Variants in ZNF385D observed in about 807,000 individuals in gnomAD.
The protein encoded by ZNF385D is zinc finger protein 659.
A neutral mutation model predicts 35.8 loss-of-function variants in ZNF385D; 15 were observed. That is an observed-to-expected ratio of 0.42 (90% CI 0.28 to 0.64). ZNF385D has a LOEUF of 0.64. Ranked by LOEUF, ZNF385D falls within the 30% of genes least tolerant of loss-of-function variation. The pLI is 0.23. For missense variants in ZNF385D, 474 were observed against 494.6 expected (o/e 0.96, Z 0.39); for synonymous variants, 212 against 186.8 (o/e 1.13, Z -1.10).
chr3:21,966,515 T>A (rs1411408741), intron 3 of ZNF385D, among the ~76,000 whole-genome samples: 2 of 152,210 alleles, frequency 1.3e-5, no homozygotes, highest in African/African-American at 2.4e-5. Context: ...CTGTATTCAT[T>A]TCCTGATTAA....
intron 2 of ZNF385D, among the ~76,000 whole-genome samples, chr3:22,248,515 T>C (rs1699905397): frequency 6.6e-6 from 1 of 152,094 alleles, no homozygotes; most frequent in South Asian, 2.1e-4. Flanking sequence ...TTAGACAAAG[T>C]CCATTATGGA....
chr3:21,447,998 G>C (rs138724962), intron 4 of ZNF385D, among the ~76,000 whole-genome samples: 5 of 152,254 alleles, frequency 3.3e-5, no homozygotes, highest in Admixed American at 2.6e-4. Flanking sequence ...CAGGCATTTT[G>C]TTGTATGTGC....
chr3:22,223,782 A>G (rs1024012430), intron 2 of ZNF385D, among the ~76,000 whole-genome samples: 1 of 152,210 alleles, frequency 6.6e-6, no homozygotes, highest in Non-Finnish European at 1.5e-5. Flanking sequence ...TGTGTGTACC[A>G]TAATGATTTC....
intron 2 of ZNF385D, among the ~76,000 whole-genome samples, chr3:22,333,046 A>G (rs1695009813): frequency 6.6e-6 from 1 of 151,924 alleles, no homozygotes. Context: ...TCTTTATTTT[A>G]CCTTAAGTCC....
intron 3 of ZNF385D, among the ~76,000 whole-genome samples, chr3:21,943,830 T>C (rs1339712732): frequency 6.6e-6 from 1 of 152,182 alleles, no homozygotes; most frequent in East Asian, 1.9e-4. Flanking sequence ...CTGAAAACAC[T>C]GATGCATTTT....
chr3:22,101,546 A>T (rs1326277494), intron 3 of ZNF385D, among the ~76,000 whole-genome samples: 3 of 152,102 alleles, frequency 2.0e-5, no homozygotes, highest in Non-Finnish European at 2.9e-5. Flanking sequence ...TATTACACCC[A>T]CACTGAACCA....
intron 4 of ZNF385D, among the ~76,000 whole-genome samples, chr3:21,483,194 T>C (rs867201288): frequency 6.6e-6 from 1 of 152,180 alleles, no homozygotes; most frequent in South Asian, 2.1e-4. Context: ...CTATGCTATG[T>C]CTTCAATGTA....
chr3:21,774,651 C>CA (rs2071213773), intron 3 of ZNF385D, among the ~76,000 whole-genome samples: 1 of 151,626 alleles, frequency 6.6e-6, no homozygotes, highest in South Asian at 2.1e-4. Context: ...TGATTAGAGA[C>CA]ATATTTAAGA....
At chr3:22,314,264 C>T (rs1411502031) in intron 2 of ZNF385D, among the ~76,000 whole-genome samples, 1 of 152,108 alleles carries the variant, frequency 6.6e-6, no homozygotes, top group Non-Finnish European at 1.5e-5. Flanking sequence ...TTTTATCCCT[C>T]ATCCCCTTCC....
intron 1 of ZNF385D, among the ~76,000 whole-genome samples, chr3:21,693,381 C>T (rs1463044627): frequency 7.2e-6 from 1 of 138,974 alleles, no homozygotes; most frequent in Admixed American, 7.1e-5. Flanking sequence ...ACCTTTGCTT[C>T]CCTCTTGTTA....
At chr3:22,102,493 A>G (rs1701991358) in intron 3 of ZNF385D, among the ~76,000 whole-genome samples, 1 of 152,044 alleles carries the variant, frequency 6.6e-6, no homozygotes, top group African/African-American at 2.4e-5. Flanking sequence ...TCATTGTACA[A>G]TATTTTAACT....
At chr3:22,288,009 C>A (rs540687629) in intron 2 of ZNF385D, among the ~76,000 whole-genome samples, 2 of 152,062 alleles carry the variant, frequency 1.3e-5, no homozygotes, top group South Asian at 2.1e-4. Context: ...CTTTGAAAGA[C>A]AGAATTGCCT....
At chr3:22,067,917 GC>G (rs1184427551) in intron 3 of ZNF385D, among the ~76,000 whole-genome samples, 2 of 151,972 alleles carry the variant, frequency 1.3e-5, no homozygotes, top group Non-Finnish European at 2.9e-5. Flanking sequence ...GGAGGCTGAG[GC>G]GGGAGAATTG....
At chr3:21,661,407 T>C (rs900056387) in intron 2 of ZNF385D, among the ~76,000 whole-genome samples, 4 of 152,168 alleles carry the variant, frequency 2.6e-5, no homozygotes, top group Admixed American at 6.5e-5. Flanking sequence ...ACATAATCTG[T>C]TTTCACTGTT....
intron 3 of ZNF385D, among the ~76,000 whole-genome samples, chr3:22,101,054 C>A (rs951417301): frequency 2.0e-5 from 3 of 151,702 alleles, no homozygotes; most frequent in Admixed American, 6.6e-5. Flanking sequence ...TTCTGAGGTA[C>A]CTGAGCAAGA....
chr3:21,680,662 A>G (rs78664592), intron 1 of ZNF385D, among the ~76,000 whole-genome samples: 3,646 of 152,242 alleles, frequency 0.024, 143 homozygotes, highest in African/African-American at 0.083. Context: ...TCAATTTTAT[A>G]AGTGGCTTTC....
chr3:22,038,942 G>T (rs1240506963), intron 3 of ZNF385D, among the ~76,000 whole-genome samples: 1 of 150,024 alleles, frequency 6.7e-6, no homozygotes, highest in African/African-American at 2.4e-5. Flanking sequence ...TAATAAATAT[G>T]ATCAGGCATG....
At chr3:22,160,687 T>C (rs553226573) in intron 3 of ZNF385D, among the ~76,000 whole-genome samples, 1 of 152,228 alleles carries the variant, frequency 6.6e-6, no homozygotes, top group South Asian at 2.1e-4. Context: ...ATTTATGTGC[T>C]ACAAAACAAT....
At chr3:21,468,821 C>A (rs143288407) in intron 4 of ZNF385D, among the ~76,000 whole-genome samples, 1 of 151,834 alleles carries the variant, frequency 6.6e-6, no homozygotes, top group South Asian at 2.1e-4. Context: ...CCCAGCTACT[C>A]GGGAGACTGA....
Sources: allele counts gnomAD v4.1 joint callset (sites outside exome capture counted in the v4.1 genomes callset), GRCh38; gene constraint gnomAD v4.1.1; transcripts MANE v1.5; gene names NCBI Gene and HGNC (gene_info 2026-07-23, HGNC 2026-07-21).